The following ACMSD variants were observed in gnomAD, a reference collection of about 807,000 sequenced individuals.
ACMSD encodes the protein aminocarboxymuconate semialdehyde decarboxylase, also known as 2-amino-3-carboxymuconate-6-semialdehyde decarboxylase.
ACMSD carries 37 observed loss-of-function variants against 45.9 expected under a neutral mutation model. That is an observed-to-expected ratio of 0.81 (90% CI 0.62 to 1.06). ACMSD has a LOEUF of 1.06. Ranked by LOEUF, ACMSD falls within the 50% of genes least tolerant of loss-of-function variation. ACMSD has a pLI of 0.00. For missense variants in ACMSD, 434 were observed against 420.9 expected (o/e 1.03, Z -0.27); for synonymous variants, 138 against 148.8 (o/e 0.93, Z 0.53).
intron 6 of ACMSD, among the ~76,000 whole-genome samples, chr2:134,869,706 G>GTATATATATATATATA (rs149963659): frequency 2.1e-5 from 3 of 145,318 alleles, no homozygotes; most frequent in African/African-American, 7.6e-5. Context: ...TTATAAACAA[G>GTATATATATATATATA]TATATATATA....
In ACMSD at chr2:134,863,438, A is replaced by G. The variant is rs779448445; in HGVS notation, c.293A>G (p.Asn98Ser). 2 of 1,614,222 alleles carry G rather than the reference A, an allele frequency of 1.2e-6. No individual in the cohort carries two copies. The highest frequency in any genetic ancestry group is 8.5e-7 in the Non-Finnish European group (1 of 1,180,036). Residue 98 changes from asparagine to serine, a missense_variant, in exon 5 of 10, where the codon AAC becomes AGC. By Grantham distance (46) the Asn-to-Ser change is conservative (BLOSUM62 1). Coordinates refer to ENST00000356140, the MANE Select transcript of ACMSD (RefSeq NM_138326.3). ...TTAAACCTGTGCCAGCTTTTAAACAACGACCTTGCCAGCACCGTTGTGAGC... is the reference window on the plus strand; with the variant it reads ...TTAAACCTGTGCCAGCTTTTAAACAGCGACCTTGCCAGCACCGTTGTGAGC... ...DTLNLCQLLN[N>S]DLASTVVSYP...
chr2:134,885,200 A>AAT (rs1689255529), intron 8 of ACMSD, among the ~76,000 whole-genome samples: 1 of 134,794 alleles, frequency 7.4e-6, no homozygotes, highest in African/African-American at 2.8e-5. Context: ...TGTCTCAAAA[A>AAT]ATATATACAT....
At chr2:134,851,476 C>T (rs889261478) in intron 2 of ACMSD, among the ~76,000 whole-genome samples, 30 of 151,856 alleles carry the variant, frequency 2.0e-4, no homozygotes, top group Non-Finnish European at 4.0e-4. Context: ...AGGAGTCTCA[C>T]TCTGTCTCCC....
chr2:134,881,087 C>T (rs1341253755), intron 8 of ACMSD, among the ~76,000 whole-genome samples: 2 of 152,212 alleles, frequency 1.3e-5, no homozygotes, highest in Non-Finnish European at 1.5e-5. Flanking sequence ...GCATCCTCTG[C>T]CTCCCGATTC....
At chr2:134,838,942 G>A (rs1686657711) in intron 1 of ACMSD, among the ~76,000 whole-genome samples, 1 of 152,090 alleles carries the variant, frequency 6.6e-6, no homozygotes, top group South Asian at 2.1e-4. Context: ...AAAGAAATAA[G>A]TGCTTTCTCA....
chr2:134,871,902 T>C (rs1321473818), intron 7 of ACMSD, among the ~76,000 whole-genome samples: 2 of 152,088 alleles, frequency 1.3e-5, no homozygotes, highest in African/African-American at 4.8e-5. Context: ...ATTTTGCTAT[T>C]ATAATCACAC....
At chr2:134,851,906 C>T (rs1687362356) in intron 2 of ACMSD, among the ~76,000 whole-genome samples, 1 of 152,174 alleles carries the variant, frequency 6.6e-6, no homozygotes, top group African/African-American at 2.4e-5. Flanking sequence ...GTCATTTGTA[C>T]ATCTTCTCAA....
intron 8 of ACMSD, among the ~76,000 whole-genome samples, chr2:134,897,451 T>C (rs949801719): frequency 1.3e-5 from 2 of 152,330 alleles, no homozygotes; most frequent in Admixed American, 6.5e-5. Flanking sequence ...GGAGATATTC[T>C]GTAATTTAAT....
intron 2 of ACMSD, among the ~76,000 whole-genome samples, chr2:134,852,385 T>C (rs1424829493): frequency 6.6e-6 from 1 of 151,586 alleles, no homozygotes; most frequent in Non-Finnish European, 1.5e-5. Flanking sequence ...GGAGAGAGGA[T>C]GAGGGTGTGG....
chr2:134,849,568 G>T (rs1687233605), intron 2 of ACMSD, among the ~76,000 whole-genome samples: 1 of 152,124 alleles, frequency 6.6e-6, no homozygotes, highest in African/African-American at 2.4e-5. Flanking sequence ...CTGCCCCCAG[G>T]ATTGACTTAC....
chr2:134,869,706 GTA>G (rs149963659), intron 6 of ACMSD, among the ~76,000 whole-genome samples: 438 of 144,808 alleles, frequency 3.0e-3, no homozygotes, highest in African/African-American at 7.5e-3. Context: ...TTATAAACAA[GTA>G]TATATATATA....
chr2:134,859,737 C>T (rs1451521816), intron 3 of ACMSD: 1 of 157,860 alleles, frequency 6.3e-6, no homozygotes, highest in Non-Finnish European at 1.4e-5. Context: ...ACTTAAGATC[C>T]AATTTCTTTC....
rs757570759 is a variant in ACMSD, at chr2:134,898,328, T to C, written c.850-13T>C. On this transcript the variant is annotated splice_polypyrimidine_tract_variant and intron_variant, in intron 8 of 9. Coordinates refer to ENST00000356140, the MANE Select transcript of ACMSD (RefSeq NM_138326.3). ...TTACAAAACAACAGAGAAATATATA[T>C]TTTGTTTTTTAGGATAAAGTCATTT... 6.5e-7 allele frequency: 1 copy of C among 1,547,148 alleles called. No individual in the cohort carries two copies. Among genetic ancestry groups the C allele is most frequent in the Non-Finnish European group, 8.7e-7 (1 of 1,144,392 alleles).
Position 134,901,947 on chromosome 2 carries a change from T to G in ACMSD, c.*87T>G. 1.1e-6 allele frequency: 1 copy of G among 882,340 alleles called. No individual in the cohort carries two copies. Among genetic ancestry groups the G allele is most frequent in the Non-Finnish European group, 1.7e-6 (1 of 579,848 alleles). 54.7% of individuals were successfully genotyped at this position (882,340 alleles called of 1,614,324 possible). A position where few individuals can be genotyped will look rare whatever the true frequency, so the allele number is the denominator to read the frequency against. ...TCAACAGGTATCAACAAAATCCTAT[T>G]TTGAACTATTTTACTCAGAAATGAA... On this transcript the variant is annotated 3_prime_UTR_variant, in exon 10 of 10. Transcript: ENST00000356140.
intron 8 of ACMSD, among the ~76,000 whole-genome samples, chr2:134,886,438 C>T (rs1003415008): frequency 6.6e-6 from 1 of 151,482 alleles, no homozygotes; most frequent in Admixed American, 6.6e-5. Flanking sequence ...TTAGTAGAGA[C>T]GGCGTTTCAC....
At position 134,879,622 on chromosome 2, in the gene ACMSD, T is replaced by C. The variant is rs565531639; in HGVS notation, c.849+6981T>C. Among the ~76,000 whole-genome samples the C allele has an allele frequency of 2.0e-5, 3 of 152,300 alleles. No individual in the cohort carries two copies. In the South Asian group the frequency reaches 6.2e-4, roughly 32 times the overall value. On this transcript the variant is annotated intron_variant, in intron 8 of 9. Coordinates refer to ENST00000356140, the MANE Select transcript of ACMSD (RefSeq NM_138326.3). Reference sequence around the variant, plus strand: ...TGGCTTGGCAATTCTGGCTCAGGGTTTCTCTTGAGGTTCAATAAGATGACT... The same window carrying C: ...TGGCTTGGCAATTCTGGCTCAGGGTCTCTCTTGAGGTTCAATAAGATGACT...
At chr2:134,885,881 T>C (rs1689410331) in intron 8 of ACMSD, among the ~76,000 whole-genome samples, 1 of 152,108 alleles carries the variant, frequency 6.6e-6, no homozygotes, top group Non-Finnish European at 1.5e-5. Flanking sequence ...AAAGAATTAT[T>C]TCCCGAGGAA....
chr2:134,870,042 C>T (rs1050291647), intron 6 of ACMSD, among the ~76,000 whole-genome samples: 3 of 152,208 alleles, frequency 2.0e-5, no homozygotes, highest in African/African-American at 7.2e-5. Context: ...GCGTCTCTGC[C>T]TGTGAAGCAG....
chr2:134,846,597 G>T (rs1011861110), intron 2 of ACMSD, among the ~76,000 whole-genome samples: 1 of 151,886 alleles, frequency 6.6e-6, no homozygotes, highest in African/African-American at 2.4e-5. Context: ...TTTAGACAGG[G>T]GGTCTCACTA....
Sources: gnomAD v4.1 joint callset for allele counts (sites outside exome capture counted in the v4.1 genomes callset) on GRCh38, gnomAD v4.1.1 for gene constraint, MANE v1.5 for transcripts, NCBI Gene and HGNC (gene_info 2026-07-23, HGNC 2026-07-21) for gene names.